The following DKK2 variants were observed in gnomAD, a reference collection of about 807,000 sequenced individuals.
DKK2 encodes the protein dickkopf-related protein 2.
In DKK2, 11 loss-of-function variants were observed where a neutral mutation model predicts 28.1. The ratio of observed to expected loss-of-function variants is 0.39; its 90% CI spans 0.25 to 0.65. The LOEUF is 0.65. Among genes scored for constraint, DKK2 ranks in the 30% least tolerant of loss-of-function variants. The probability of loss-of-function intolerance (pLI) is 0.47; values close to 1 mark genes in which losing one functional copy is unlikely to be tolerated. For missense variants in DKK2, 326 were observed against 335.5 expected, an observed-to-expected ratio of 0.97 and a Z score of 0.22; for synonymous variants, 135 against 126.5, an observed-to-expected ratio of 1.07 and a Z score of -0.45.
chr4:106,927,945 A>G (rs977530551), intron 1 of DKK2, among the ~76,000 whole-genome samples: 5 of 152,188 alleles, frequency 3.3e-5, no homozygotes, highest in African/African-American at 1.2e-4. Flanking sequence ...CAAGTCCTCA[A>G]GCCATTCTGA....
intron 1 of DKK2, among the ~76,000 whole-genome samples, chr4:106,940,025 A>G (rs374567914): frequency 9.2e-5 from 14 of 152,120 alleles, no homozygotes; most frequent in African/African-American, 3.4e-4. Flanking sequence ...AACCTAGGCA[A>G]TACCATTCAG....
chr4:106,997,706 T>C (rs1723296238), intron 1 of DKK2, among the ~76,000 whole-genome samples: 2 of 152,238 alleles, frequency 1.3e-5, no homozygotes, highest in South Asian at 4.1e-4. Flanking sequence ...CTGAATTTTC[T>C]TTTCAATAAT....
chr4:106,946,522 CA>C (rs978741846), intron 1 of DKK2, among the ~76,000 whole-genome samples: 23 of 148,804 alleles, frequency 1.5e-4, no homozygotes, highest in Admixed American at 8.9e-4. Flanking sequence ...ACTTAAAAAA[CA>C]AACAAACAAA....
intron 1 of DKK2, among the ~76,000 whole-genome samples, chr4:106,990,386 G>A (rs1261482194): frequency 6.6e-6 from 1 of 152,118 alleles, no homozygotes; most frequent in African/African-American, 2.4e-5. Context: ...GGATACAGTG[G>A]TTTCACAAAC....
intron 1 of DKK2, among the ~76,000 whole-genome samples, chr4:107,020,652 G>A (rs558914404): frequency 7.9e-5 from 12 of 152,074 alleles, no homozygotes; most frequent in East Asian, 1.9e-4. Flanking sequence ...TATTAAATAC[G>A]TTGTAGAATA....
chr4:107,011,601 C>T (rs140182730), intron 1 of DKK2, among the ~76,000 whole-genome samples: 20 of 151,444 alleles, frequency 1.3e-4, no homozygotes, highest in African/African-American at 4.3e-4. Context: ...AACTAAAATA[C>T]GTGTATTCGA....
At chr4:106,966,710 C>T (rs138740309) in intron 1 of DKK2, among the ~76,000 whole-genome samples, 2 of 152,224 alleles carry the variant, frequency 1.3e-5, no homozygotes, top group East Asian at 3.9e-4. Context: ...AAAGAAAGGT[C>T]ACAATGAGGA....
At chr4:106,929,330 T>C (rs1724468468) in intron 1 of DKK2, among the ~76,000 whole-genome samples, 2 of 152,154 alleles carry the variant, frequency 1.3e-5, no homozygotes, top group African/African-American at 4.8e-5. Context: ...GGAACAATGA[T>C]TGTGTGGAAG....
intron 1 of DKK2, among the ~76,000 whole-genome samples, chr4:107,015,161 C>T (rs991734691): frequency 2.6e-5 from 4 of 151,426 alleles, no homozygotes; most frequent in South Asian, 4.2e-4. Context: ...AAGTGATTGC[C>T]GTAATTACAC....
chr4:106,932,002 C>CT (rs1724510924), intron 1 of DKK2, among the ~76,000 whole-genome samples: 1 of 151,976 alleles, frequency 6.6e-6, no homozygotes, highest in African/African-American at 2.4e-5. Flanking sequence ...AAGGTTTTGC[C>CT]TTTTTTTGCC....
At chr4:106,934,978 C>A (rs888958303) in intron 1 of DKK2, among the ~76,000 whole-genome samples, 1 of 152,140 alleles carries the variant, frequency 6.6e-6, no homozygotes, top group Non-Finnish European at 1.5e-5. Flanking sequence ...TGCAGAGAGA[C>A]AATGACTTGA....
chr4:106,978,010 T>C (rs1000075555), intron 1 of DKK2, among the ~76,000 whole-genome samples: 2 of 152,212 alleles, frequency 1.3e-5, no homozygotes, highest in Admixed American at 1.3e-4. Context: ...GCTGCAGGTC[T>C]GCTGGAGTTT....
chr4:106,948,189 T>A, intron 1 of DKK2, among the ~76,000 whole-genome samples: 1 of 152,128 alleles, frequency 6.6e-6, no homozygotes, highest in East Asian at 1.9e-4. Context: ...GTTTTTCTAA[T>A]TGCAAATTCT....
At chr4:107,013,710 A>G (rs1244000389) in intron 1 of DKK2, among the ~76,000 whole-genome samples, 2 of 151,630 alleles carry the variant, frequency 1.3e-5, no homozygotes, top group East Asian at 3.9e-4. Flanking sequence ...CAAACTAAAA[A>G]GCTTCAACAC....
chr4:107,002,405 A>G (rs1050324063), intron 1 of DKK2, among the ~76,000 whole-genome samples: 1 of 152,210 alleles, frequency 6.6e-6, no homozygotes, highest in East Asian at 1.9e-4. Flanking sequence ...CAAATGAAAG[A>G]CTTCTTCACC....
At position 107,011,303 on chromosome 4, in the gene DKK2, G is replaced by A. The variant is rs1723513674; in HGVS notation, c.222+24067C>T. ...TGTAATATCATTCATTGTTCATTTA[G>A]AAAATGTGGGTTCATAGAATTCTGC... On this transcript the variant is annotated intron_variant, in intron 1 of 3. Coordinates refer to ENST00000285311, the MANE Select transcript of DKK2 (RefSeq NM_014421.3). Among the ~76,000 whole-genome samples, 3 of 151,422 alleles carry A rather than the reference G, an allele frequency of 2.0e-5. No homozygotes were observed. The South Asian group carries it at 6.2e-4, about 31-fold the overall frequency.
At chr4:106,988,534 G>A (rs1377688576) in intron 1 of DKK2, among the ~76,000 whole-genome samples, 1 of 152,136 alleles carries the variant, frequency 6.6e-6, no homozygotes, top group African/African-American at 2.4e-5. Context: ...TCCTTTTAGT[G>A]TTTAATGTCA....
intron 1 of DKK2, among the ~76,000 whole-genome samples, chr4:106,964,859 G>C (rs1722743926): frequency 6.6e-6 from 1 of 152,000 alleles, no homozygotes; most frequent in Non-Finnish European, 1.5e-5. Context: ...TTTTGGACTT[G>C]TCAGTCCCAC....
At chr4:106,935,700 A>G (rs1352281480) in intron 1 of DKK2, among the ~76,000 whole-genome samples, 6 of 152,232 alleles carry the variant, frequency 3.9e-5, no homozygotes, top group Middle Eastern at 3.2e-3. Context: ...TAACCTCTGC[A>G]GACTTAAATG....
Sources: gnomAD v4.1 joint callset for allele counts (sites outside exome capture counted in the v4.1 genomes callset) on GRCh38, gnomAD v4.1.1 for gene constraint, MANE v1.5 for transcripts, NCBI Gene and HGNC (gene_info 2026-07-23, HGNC 2026-07-21) for gene names.